The following DDX60L variants were observed in gnomAD, a reference collection of about 807,000 sequenced individuals.
DDX60L encodes DExD/H-box 60 like.
A neutral mutation model predicts 211.6 loss-of-function variants in DDX60L; 191 were observed. The observed-to-expected ratio is 0.90, with a 90% CI of 0.80 to 1.02. DDX60L has a LOEUF of 1.02. DDX60L is among the 50% of genes least tolerant of loss of function. DDX60L has a pLI of 0.00. For missense variants in DDX60L, 2,007 were observed against 1,984.1 expected (o/e 1.01, Z -0.22); for synonymous variants, 706 against 694.1 (o/e 1.02, Z -0.27).
rs1756498392 is a variant in DDX60L at position 168,455,849 on chromosome 4, T to A, written c.837+190A>T. Among the ~76,000 whole-genome samples the A allele has an allele frequency of 3.3e-5, 5 of 152,326 alleles. No individual in the cohort carries two copies. The South Asian group carries it at 1.0e-3, about 32-fold the overall frequency. On this transcript the variant is annotated intron_variant, in intron 7 of 37. Coordinates refer to ENST00000682922, the MANE Select transcript of DDX60L (RefSeq NM_001012967.3). Reference sequence around the variant, plus strand: ...TTTCTTATGTATACAGATTCTAATTTTTCTCCCCTTTTTGGTATTTAATAC... The same window carrying A: ...TTTCTTATGTATACAGATTCTAATTATTCTCCCCTTTTTGGTATTTAATAC...
chr4:168,410,495 G>A (rs149873056), intron 22 of DDX60L, among the ~76,000 whole-genome samples: 1 of 152,162 alleles, frequency 6.6e-6, no homozygotes, highest in African/African-American at 2.4e-5. Flanking sequence ...AAACATTGAA[G>A]ACTTTTGAGT....
chr4:168,465,651 C>T (rs1173798419), intron 4 of DDX60L, among the ~76,000 whole-genome samples: 1 of 152,046 alleles, frequency 6.6e-6, no homozygotes, highest in Non-Finnish European at 1.5e-5. Flanking sequence ...GTCCTCAATC[C>T]ATTTTGAATT....
intron 22 of DDX60L, among the ~76,000 whole-genome samples, chr4:168,408,602 A>G (rs1277258189): frequency 1.3e-5 from 2 of 150,826 alleles, no homozygotes; most frequent in Non-Finnish European, 3.0e-5. Context: ...TCATACCACA[A>G]TGCTCCTTTT....
chr4:168,472,243 C>G (rs2150146574), intron 3 of DDX60L, among the ~76,000 whole-genome samples: 1 of 152,264 alleles, frequency 6.6e-6, no homozygotes, highest in East Asian at 1.9e-4. Flanking sequence ...ACATATATAA[C>G]TCCCAGCTCC....
intron 29 of DDX60L, chr4:168,390,611 T>G: frequency 1.2e-6 from 1 of 812,214 alleles, no homozygotes; most frequent in Non-Finnish European, 1.8e-6. Flanking sequence ...ATCTTTTATA[T>G]TTCGAGACTA....
chr4:168,427,131 T>G lies in DDX60L; in HGVS notation c.1869A>C (p.Gly623=), dbSNP rs779392996. The G allele has an allele frequency of 2.5e-6, 4 of 1,608,522 alleles. No homozygotes were observed. In the East Asian group the frequency reaches 6.7e-5, roughly 27 times the overall value. The change falls in exon 14 of 38, where the codon GGA becomes GGC. Residue 623 remains glycine, a synonymous_variant. Transcript: ENST00000682922. ...AGGCAATTAATCCTAACATTTCAAC[T>G]CCAAATTTCACTGAATTACTTGCAC... ...TSCASNSVKF[G]VEMLGLIACF...
intron 36 of DDX60L, among the ~76,000 whole-genome samples, chr4:168,369,275 G>A (rs546825254): frequency 6.6e-6 from 1 of 152,224 alleles, no homozygotes; most frequent in South Asian, 2.1e-4. Flanking sequence ...AGTCTCACAA[G>A]GTCTGATGGT....
chr4:168,384,067 C>T (rs188851289), intron 30 of DDX60L, among the ~76,000 whole-genome samples: 3 of 152,312 alleles, frequency 2.0e-5, no homozygotes, highest in South Asian at 2.1e-4. Context: ...GTGCTGGATA[C>T]TTCCTGCCCT....
chr4:168,425,873 C>G (rs1451609307), intron 14 of DDX60L, among the ~76,000 whole-genome samples: 3 of 152,174 alleles, frequency 2.0e-5, no homozygotes, highest in Admixed American at 1.3e-4. Flanking sequence ...AATAAAAGCA[C>G]ACACTACAAG....
chr4:168,362,043 A>G (rs1739204591), intron 36 of DDX60L, among the ~76,000 whole-genome samples: 1 of 152,226 alleles, frequency 6.6e-6, no homozygotes, highest in Non-Finnish European at 1.5e-5. Flanking sequence ...ACAGCAAGAA[A>G]ACCACTGAAC....
intron 9 of DDX60L, among the ~76,000 whole-genome samples, chr4:168,442,736 C>G (rs1283521054): frequency 6.6e-6 from 1 of 151,348 alleles, no homozygotes; most frequent in Non-Finnish European, 1.5e-5. Flanking sequence ...CCCGAGCAGC[C>G]TAACTGGGAG....
At chr4:168,361,870 G>A (rs1739168837) in intron 36 of DDX60L, among the ~76,000 whole-genome samples, 1 of 152,186 alleles carries the variant, frequency 6.6e-6, no homozygotes, top group Admixed American at 6.5e-5. Flanking sequence ...CAGAGTAAGA[G>A]CCCACATTGT....
intron 25 of DDX60L, among the ~76,000 whole-genome samples, chr4:168,402,990 T>A (rs1320823901): frequency 6.6e-6 from 1 of 152,232 alleles, no homozygotes; most frequent in African/African-American, 2.4e-5. Flanking sequence ...CAGATTCCTA[T>A]CCCAAAGTCA....
At position 168,427,072 on chromosome 4, in the gene DDX60L, T is replaced by A. The variant is rs765282092; in HGVS notation, c.1928A>T (p.Glu643Val). Reference sequence around the variant, plus strand: ...CCATAGAGTATGGAGTCCCATACCTTCACCTCGGCAATGTTTTTTCCATGC... The same window carrying A: ...CCATAGAGTATGGAGTCCCATACCTACACCTCGGCAATGTTTTTTCCATGC... ...FKAWKKHCRG[E>V]GKISKDLSIA... Residue 643 changes from glutamate (E) to valine (V), a missense_variant and splice_region_variant, in exon 14 of 38, where the codon GAA becomes GTA. Glu to Val is a moderately radical substitution (Grantham distance 121). Coordinates refer to ENST00000682922, the MANE Select transcript of DDX60L (RefSeq NM_001012967.3). 5.0e-6 allele frequency: 8 copies of A among 1,600,506 alleles called. No homozygotes were observed. The Admixed American group carries it at 1.0e-4, about 21-fold the overall frequency.
intron 6 of DDX60L, among the ~76,000 whole-genome samples, chr4:168,456,547 A>T (rs1756594948): frequency 6.6e-6 from 1 of 152,178 alleles, no homozygotes; most frequent in African/African-American, 2.4e-5. Context: ...ATTTTAAAAT[A>T]ATATCACACA....
intron 17 of DDX60L, among the ~76,000 whole-genome samples, chr4:168,420,642 GAGATAGATAGATAGATAGAT>G (rs3068291): frequency 7.3e-6 from 1 of 136,452 alleles, no homozygotes; most frequent in Non-Finnish European, 1.6e-5. Flanking sequence ...ACACACACAT[GAGATAGATAGATAGATAGAT>G]AGATAGATAG....
chr4:168,423,213 G>A (rs566303064), intron 15 of DDX60L, among the ~76,000 whole-genome samples: 2 of 152,118 alleles, frequency 1.3e-5, no homozygotes, highest in African/African-American at 4.8e-5. Flanking sequence ...AGATATTAAC[G>A]TTAAAAAAAG....
rs1554026998 is a variant in DDX60L at position 168,480,001 on chromosome 4, A to AG, written c.-111+375_-111+376insC. Among the ~76,000 whole-genome samples the AG allele has an allele frequency of 6.1e-4, 85 of 140,450 alleles. 2 individuals are homozygous for AG. The highest frequency in any genetic ancestry group is 1.9e-3 in the African/African-American group (74 of 38,442). 92.1% of individuals were successfully genotyped at this position (140,450 alleles called of 152,430 possible). On this transcript the variant is annotated intron_variant, in intron 1 of 37. Coordinates refer to ENST00000682922, the MANE Select transcript of DDX60L (RefSeq NM_001012967.3). ...TGACTCAAAAAAAAAAAAAAAAAAAAAGCTTAAATACAAGACGGAAAAAAG... is the reference window on the plus strand; with the variant it reads ...TGACTCAAAAAAAAAAAAAAAAAAAAGAGCTTAAATACAAGACGGAAAAAAG...
rs565117424 is a variant in DDX60L, at chr4:168,419,196, G to A, written c.2610+106C>T. 615 of 683,058 alleles carry A rather than the reference G, an allele frequency of 9.0e-4. 15 individuals are homozygous for A. In the South Asian group the frequency reaches 0.017, roughly 19 times the overall value. 42.3% of individuals were successfully genotyped at this position (683,058 alleles called of 1,614,324 possible). ...GTTTTCCATTGGTACCCTGGCTGAC[G>A]CACAACTTAACTGCCATCATTGAAA... On this transcript the variant is annotated intron_variant, in intron 19 of 37. Coordinates refer to ENST00000682922, the MANE Select transcript of DDX60L (RefSeq NM_001012967.3).
Sources: allele counts gnomAD v4.1 joint callset (sites outside exome capture counted in the v4.1 genomes callset), GRCh38; gene constraint gnomAD v4.1.1; transcripts MANE v1.5; gene names NCBI Gene and HGNC (gene_info 2026-07-23, HGNC 2026-07-21).